Variants in CSNK1A1 observed in about 807,000 individuals in gnomAD.
CSNK1A1 encodes the protein casein kinase I isoform alpha.
In CSNK1A1, 7 loss-of-function variants were observed where a neutral mutation model predicts 46.1. The ratio of observed to expected loss-of-function variants is 0.15; its 90% confidence interval spans 0.09 to 0.29. The LOEUF is 0.29. CSNK1A1 is among the 10% of genes least tolerant of loss of function. The pLI is 1.00. For synonymous variants in CSNK1A1, 137 were observed against 141.5 expected, an observed-to-expected ratio of 0.97 and a Z score of 0.23; for missense variants, 96 against 417.1, an observed-to-expected ratio of 0.23 and a Z score of 6.71.
intron 2 of CSNK1A1, chr5:149,549,572 TA>T: frequency 1.4e-6 from 1 of 691,696 alleles, no homozygotes; most frequent in Non-Finnish European, 2.7e-6. Flanking sequence ...AGGGCAGGAA[TA>T]TGGGGTTGAG....
intron 5 of CSNK1A1, 51 bp downstream of exon 5, chr5:149,513,019 T>C (rs1761279404): frequency 2.5e-6 from 4 of 1,600,062 alleles, no homozygotes; most frequent in South Asian, 1.1e-5. Flanking sequence ...CAAAAACCCA[T>C]TGATGGCTTC....
At chr5:149,535,978 A>G (rs551437655) in intron 2 of CSNK1A1, among the ~76,000 whole-genome samples, 2 of 151,260 alleles carry the variant, frequency 1.3e-5, no homozygotes, top group South Asian at 4.2e-4. Flanking sequence ...TTTGAGACAG[A>G]GTTTTGCTCT....
intron 9 of CSNK1A1, among the ~76,000 whole-genome samples, chr5:149,499,670 T>C (rs886208255): frequency 3.3e-5 from 5 of 151,938 alleles, no homozygotes; most frequent in Non-Finnish European, 7.4e-5. Context: ...CAGGCTGGAC[T>C]TAAAACTCCT....
In CSNK1A1 at chr5:149,493,449, CCATT is replaced by C. The variant is rs1369623006; in HGVS notation, c.*3400_*3403del. 6.6e-6 allele frequency: 1 copy of C among 150,634 alleles called. No individual in the cohort carries two copies. Among genetic ancestry groups the C allele is most frequent in the Non-Finnish European group, 1.5e-5 (1 of 67,852 alleles). The allele number at this position is 150,634 out of a possible 1,614,324, so 9.3% of individuals were successfully genotyped here. The stretch of plus-strand genomic sequence containing the variant: ...ATCTCATATTTCTCCATCCCAGGAG[CCATT>C]ATTACTCTACTTTTGAGTATGTCCT... On this transcript the variant is annotated 3_prime_UTR_variant, in exon 10 of 10. Coordinates refer to ENST00000377843, the MANE Select transcript of CSNK1A1 (RefSeq NM_001892.6).
rs371507698 is a variant in CSNK1A1, at chr5:149,547,460, T to G, written c.230+2615A>C. Among the ~76,000 whole-genome samples, 7 of 152,388 alleles carry G rather than the reference T, an allele frequency of 4.6e-5. No individual in the cohort carries two copies. In the East Asian group the frequency reaches 1.2e-3, roughly 25 times the overall value. Reference sequence around the variant, plus strand: ...AAAAATGACAATGCTTAATGCTTTTTGAAACTGATTTCAAATACATTAAAT... The same window carrying G: ...AAAAATGACAATGCTTAATGCTTTTGGAAACTGATTTCAAATACATTAAAT... On this transcript the variant is annotated intron_variant, in intron 2 of 9. Coordinates refer to ENST00000377843, the MANE Select transcript of CSNK1A1 (RefSeq NM_001892.6).
At chr5:149,549,717 C>T (rs1762596058) in intron 2 of CSNK1A1, among the ~76,000 whole-genome samples, 2 of 152,192 alleles carry the variant, frequency 1.3e-5, no homozygotes, top group Non-Finnish European at 2.9e-5. Context: ...TCGGCACCTT[C>T]AAATCCACTT....
chr5:149,509,471 C>T (rs1761145163), intron 7 of CSNK1A1, among the ~76,000 whole-genome samples: 1 of 150,366 alleles, frequency 6.7e-6, no homozygotes, highest in Non-Finnish European at 1.5e-5. Flanking sequence ...AGCCAAGATT[C>T]ACCACTGCAA....
intron 9 of CSNK1A1, chr5:149,499,074 A>C: frequency 1.0e-6 from 1 of 985,440 alleles, no homozygotes; most frequent in Non-Finnish European, 1.2e-6. Flanking sequence ...TCTCCAGTGA[A>C]TTGTCCTAAG....
In CSNK1A1 at chr5:149,507,147, G is replaced by T; in HGVS notation, c.751-14C>A. 6.4e-7 allele frequency: 1 copy of T among 1,560,124 alleles called. No individual in the cohort carries two copies. The highest frequency in any genetic ancestry group is 1.2e-5 in the South Asian group (1 of 85,306). ...TGCAGGAAACCCCTATAGGTTCAAG[G>T]GTTAAAACAAAGTTAAAAACAAACA... On this transcript the variant is annotated splice_polypyrimidine_tract_variant and intron_variant, in intron 7 of 9. Coordinates refer to ENST00000377843, the MANE Select transcript of CSNK1A1 (RefSeq NM_001892.6).
chr5:149,547,868 TTG>T (rs1431313276), intron 2 of CSNK1A1, among the ~76,000 whole-genome samples: 72 of 151,118 alleles, frequency 4.8e-4, no homozygotes, highest in Non-Finnish European at 3.1e-4. Context: ...TTTTTTTTTG[TTG>T]TGTTTTTTTG....
At chr5:149,548,222 T>C (rs1191431037) in intron 2 of CSNK1A1, among the ~76,000 whole-genome samples, 1 of 152,096 alleles carries the variant, frequency 6.6e-6, no homozygotes, top group African/African-American at 2.4e-5. Flanking sequence ...GTAAAGACTA[T>C]GCAACCCAGT....
At chr5:149,542,264 G>A (rs1762257126) in intron 2 of CSNK1A1, among the ~76,000 whole-genome samples, 1 of 151,850 alleles carries the variant, frequency 6.6e-6, no homozygotes, top group South Asian at 2.1e-4. Context: ...TGTCTCCCAT[G>A]ACCCCCAGAT....
At position 149,517,959 on chromosome 5, in the gene CSNK1A1, G is replaced by A. The variant is rs960517981; in HGVS notation, c.456+2331C>T. The A allele has an allele frequency of 6.1e-6, 5 of 823,190 alleles. No homozygotes were observed. Among genetic ancestry groups the A allele is most frequent in the African/African-American group, 3.4e-5 (2 of 58,824 alleles). The allele number at this position is 823,190 out of a possible 1,614,324, so 51.0% of individuals were successfully genotyped here. On this transcript the variant is annotated intron_variant, in intron 4 of 9. Coordinates refer to ENST00000377843, the MANE Select transcript of CSNK1A1 (RefSeq NM_001892.6). The surrounding 1 kb of genome is among the most constrained non-coding windows in gnomAD (Gnocchi z 4.4). Reference sequence around the variant, plus strand: ...ATGGCCGGCGCAGACAGGCAACACCGAGGCATTAGAGAAAGAACAGGGTAG... The same window carrying A: ...ATGGCCGGCGCAGACAGGCAACACCAAGGCATTAGAGAAAGAACAGGGTAG...
At chr5:149,501,748 T>A in intron 9 of CSNK1A1, 1 of 985,342 alleles carries the variant, frequency 1.0e-6, no homozygotes, top group South Asian at 4.7e-5. Context: ...TGCCCTCAAT[T>A]AAAGAAACAC....
In CSNK1A1 at chr5:149,548,814, T is replaced by C. The variant is rs140505951; in HGVS notation, c.230+1261A>G. 2.8e-3 allele frequency among the ~76,000 whole-genome samples: 420 copies of C among 152,256 alleles called. 2 individuals are homozygous for C. Among genetic ancestry groups the C allele is most frequent in the African/African-American group, 1.0e-2 (414 of 41,534 alleles). On this transcript the variant is annotated intron_variant, in intron 2 of 9. Coordinates refer to ENST00000377843, the MANE Select transcript of CSNK1A1 (RefSeq NM_001892.6). ...CAGTGAGCCAAGATCGTGCCATTCA[T>C]TGCACTCCAGCCTGGACCACAAGAG...
At chr5:149,547,333 T>G (rs1310694223) in intron 2 of CSNK1A1, among the ~76,000 whole-genome samples, 1 of 152,252 alleles carries the variant, frequency 6.6e-6, no homozygotes, top group Non-Finnish European at 1.5e-5. Context: ...TTTATTCATG[T>G]GCTTATTCAG....
chr5:149,512,648 C>T (rs1324385881), intron 5 of CSNK1A1, among the ~76,000 whole-genome samples: 1 of 152,084 alleles, frequency 6.6e-6, no homozygotes, highest in Non-Finnish European at 1.5e-5. Context: ...GGAGATGGTC[C>T]ATCAACCCAC....
chr5:149,545,812 A>T, intron 2 of CSNK1A1: 1 of 478,166 alleles, frequency 2.1e-6, no homozygotes, highest in South Asian at 2.3e-5. Flanking sequence ...CTGTACCTTA[A>T]GCCGCGGCTC....
Position 149,520,308 on chromosome 5 carries a change from A to G in CSNK1A1, c.438T>C (p.Ile146=). The G allele has an allele frequency of 6.2e-7, 1 of 1,607,276 alleles. No individual in the cohort carries two copies. Among genetic ancestry groups the G allele is most frequent in the South Asian group, 1.1e-5 (1 of 90,772 alleles). The change falls in exon 4 of 10, where the codon ATT becomes ATC. Residue 146 remains isoleucine (I), a synonymous_variant. Transcript: ENST00000377843. The stretch of plus-strand genomic sequence containing the variant: ...GACTAACCTTATTACAGTGACGCCC[A>G]ATACCCATTAGGAAGTTATCTGGTT... ...DIKPDNFLMG[I]GRHCNKLFLI... is the part of the protein sequence containing the mutation.
Sources: allele counts gnomAD v4.1 joint callset (sites outside exome capture counted in the v4.1 genomes callset), GRCh38; gene constraint gnomAD v4.1.1; non-coding constraint Gnocchi (gnomAD v3.1); transcripts MANE v1.5; gene names NCBI Gene and HGNC (gene_info 2026-07-23, HGNC 2026-07-21).